GPC6: variants seen among roughly 807,000 people sequenced by gnomAD.
GPC6 encodes glypican-6.
In GPC6, 14 loss-of-function variants were observed where a neutral mutation model predicts 55.2. That is an observed-to-expected ratio of 0.25 (90% confidence interval 0.17 to 0.40). The LOEUF (loss-of-function observed/expected upper bound fraction) is 0.40, where lower values mean the gene tolerates loss of function less well. Among genes scored for constraint, GPC6 ranks in the 10% least tolerant of loss-of-function variants. The pLI is 1.00. For missense variants in GPC6, 641 were observed against 708.5 expected (o/e 0.90, Z 1.08); for synonymous variants, 278 against 259.6 (o/e 1.07, Z -0.68).
intron 4 of GPC6, among the ~76,000 whole-genome samples, chr13:94,188,346 G>A (rs1889270500): frequency 6.6e-6 from 1 of 152,070 alleles, no homozygotes; most frequent in Admixed American, 6.5e-5. Context: ...AAGGTCACTG[G>A]GATTGCCTGA....
chr13:94,386,228 T>A (rs373736302), intron 7 of GPC6, among the ~76,000 whole-genome samples: 2 of 151,674 alleles, frequency 1.3e-5, no homozygotes, highest in Admixed American at 6.6e-5. Flanking sequence ...GGTGTGGTGG[T>A]GGGTGCCTGT....
intron 3 of GPC6, among the ~76,000 whole-genome samples, chr13:93,968,883 T>G (rs1275903730): frequency 1.3e-5 from 2 of 152,182 alleles, no homozygotes; most frequent in African/African-American, 4.8e-5. Flanking sequence ...TTATTTGGAA[T>G]GACATGGAAA....
chr13:93,748,501 T>C (rs1033754627), intron 2 of GPC6, among the ~76,000 whole-genome samples: 1 of 152,082 alleles, frequency 6.6e-6, no homozygotes, highest in African/African-American at 2.4e-5. Flanking sequence ...TATTGCAAAA[T>C]AGTATACAAC....
chr13:93,408,376 A>G (rs1853973242), intron 1 of GPC6, among the ~76,000 whole-genome samples: 1 of 152,182 alleles, frequency 6.6e-6, no homozygotes, highest in South Asian at 2.1e-4. Flanking sequence ...TGGAGGAGAC[A>G]TGAGAAAAAG....
At position 93,412,244 on chromosome 13, in the gene GPC6, T is replaced by C. The variant is rs192200541; in HGVS notation, c.161-133019T>C. On this transcript the variant is annotated intron_variant, in intron 1 of 8. Transcript: ENST00000377047. ...CATTGACATATGTCAACCAACTCCA[T>C]TTTCAGTGCCCAATTGAAAGTTGTA... Among the ~76,000 whole-genome samples the C allele has an allele frequency of 2.2e-3, 337 of 152,214 alleles. 3 individuals carry two copies. Among genetic ancestry groups the C allele is most frequent in the Middle Eastern group, 0.02 (6 of 294 alleles).
chr13:94,356,227 A>G (rs1029968934), intron 6 of GPC6, among the ~76,000 whole-genome samples: 3 of 152,170 alleles, frequency 2.0e-5, no homozygotes, highest in African/African-American at 7.2e-5. Context: ...TGTCTTTGCT[A>G]TTGTAAATAG....
chr13:93,799,868 A>C (rs568763094), intron 2 of GPC6, among the ~76,000 whole-genome samples: 85 of 152,320 alleles, frequency 5.6e-4, no homozygotes, highest in African/African-American at 1.9e-3. Flanking sequence ...AGGCTGTCTT[A>C]AAGAAGTTAC....
chr13:94,242,962 G>T (rs948729588), intron 4 of GPC6, among the ~76,000 whole-genome samples: 1 of 150,008 alleles, frequency 6.7e-6, no homozygotes, highest in Admixed American at 6.7e-5. Context: ...AAAAAAAAAA[G>T]TACCACTTGT....
At chr13:93,940,601 A>C (rs1338709365) in intron 3 of GPC6, among the ~76,000 whole-genome samples, 1 of 152,228 alleles carries the variant, frequency 6.6e-6, no homozygotes, top group Non-Finnish European at 1.5e-5. Flanking sequence ...AAAGAGACCC[A>C]ATAGATACAC....
intron 2 of GPC6, among the ~76,000 whole-genome samples, chr13:93,559,535 T>G (rs750497359): frequency 4.1e-4 from 62 of 152,176 alleles, no homozygotes; most frequent in Non-Finnish European, 7.9e-4. Context: ...TCACTAGGGA[T>G]GGATGAATAC....
intron 3 of GPC6, among the ~76,000 whole-genome samples, chr13:93,889,986 C>A: frequency 6.6e-6 from 1 of 151,860 alleles, no homozygotes; most frequent in East Asian, 1.9e-4. Context: ...AAAAATTCTA[C>A]GCAGGAAAAA....
At chr13:93,416,313 T>C (rs1421366163) in intron 1 of GPC6, among the ~76,000 whole-genome samples, 2 of 152,152 alleles carry the variant, frequency 1.3e-5, no homozygotes, top group Non-Finnish European at 2.9e-5. Context: ...TTTACAGAGC[T>C]GGTAGAGCTT....
At chr13:93,562,913 A>G (rs1490084131) in intron 2 of GPC6, among the ~76,000 whole-genome samples, 2 of 152,204 alleles carry the variant, frequency 1.3e-5, no homozygotes, top group Non-Finnish European at 2.9e-5. Flanking sequence ...GTCACATATT[A>G]CAGACAGAAG....
chr13:93,608,573 T>C (rs183071376), intron 2 of GPC6, among the ~76,000 whole-genome samples: 8 of 152,332 alleles, frequency 5.3e-5, no homozygotes, highest in African/African-American at 1.4e-4. Flanking sequence ...CCCAAGCTAT[T>C]TGAGGTCCTC....
chr13:94,002,132 C>T (rs188839642), intron 3 of GPC6, among the ~76,000 whole-genome samples: 1 of 152,100 alleles, frequency 6.6e-6, no homozygotes, highest in Admixed American at 6.6e-5. Context: ...TGACAAGAGG[C>T]TTGGAGAAGA....
chr13:94,266,180 GT>G, intron 4 of GPC6, among the ~76,000 whole-genome samples: 1 of 133,250 alleles, frequency 7.5e-6, no homozygotes, highest in Admixed American at 7.2e-5. Flanking sequence ...TTGTTTGTTT[GT>G]TTTTTGAGAA....
intron 1 of GPC6, among the ~76,000 whole-genome samples, chr13:93,495,489 G>A (rs1328165947): frequency 7.3e-6 from 1 of 136,230 alleles, no homozygotes; most frequent in East Asian, 2.5e-4. Context: ...ATAGCTCAGA[G>A]TAATTTGATC....
At chr13:94,286,213 TG>T in intron 4 of GPC6, 135 bp from the exon 5 acceptor site, 2 of 747,306 alleles carry the variant, frequency 2.7e-6, no homozygotes, top group East Asian at 2.7e-5. Context: ...TATTTCATTT[TG>T]GACTATATGA....
chr13:93,728,718 C>T (rs1202148112), intron 2 of GPC6, among the ~76,000 whole-genome samples: 1 of 152,004 alleles, frequency 6.6e-6, no homozygotes, highest in Non-Finnish European at 1.5e-5. Flanking sequence ...AATCACCCAC[C>T]ACCATGCCTG....
Sources: allele counts gnomAD v4.1 joint callset (sites outside exome capture counted in the v4.1 genomes callset), GRCh38; gene constraint gnomAD v4.1.1; transcripts MANE v1.5; gene names NCBI Gene and HGNC (gene_info 2026-07-23, HGNC 2026-07-21).